Variants in SOAT1 observed in about 807,000 individuals in gnomAD.
SOAT1 encodes acyl-coenzyme A:cholesterol acyltransferase 1.
In SOAT1, 55 loss-of-function variants were observed where a neutral mutation model predicts 69.5. The ratio of observed to expected loss-of-function variants is 0.79; its 90% CI spans 0.64 to 0.99. The LOEUF is 0.99. Ranked by LOEUF, SOAT1 falls within the 50% of genes least tolerant of loss-of-function variation. SOAT1 has a pLI of 0.00. For missense variants in SOAT1, 580 were observed against 669.3 expected, an observed-to-expected ratio of 0.87 and a Z score of 1.47; for synonymous variants, 231 against 224.7, an observed-to-expected ratio of 1.03 and a Z score of -0.25.
intron 2 of SOAT1, among the ~76,000 whole-genome samples, chr1:179,315,217 T>C (rs1419657552): frequency 1.3e-5 from 2 of 152,134 alleles, no homozygotes; most frequent in African/African-American, 2.4e-5. Flanking sequence ...GGCCAAGGCA[T>C]GAGGATTGCT....
In SOAT1 at chr1:179,356,465, CTTTTTTTTT is replaced by C. The variant is rs1275194965; in HGVS notation, c.*2841_*2849del. The C allele has an allele frequency of 1.7e-5, 1 of 60,442 alleles. No homozygotes were observed. Among genetic ancestry groups the C allele is most frequent in the African/African-American group, 7.5e-5 (1 of 13,264 alleles). The allele number at this position is 60,442 out of a possible 1,614,324, so 3.7% of individuals were successfully genotyped here. A position where few individuals can be genotyped will look rare whatever the true frequency, so the allele number is the denominator to read the frequency against. On this transcript the variant is annotated 3_prime_UTR_variant, in exon 16 of 16. Transcript: ENST00000367619. ...AATTTAATTAGAAAACTGAGGCTGC[CTTTTTTTTT>C]TTTTTTTTTTTTTTTTAAGACAGAG... is the stretch of plus-strand genomic sequence containing the variant.
At chr1:179,300,006 C>T (rs1397899157) in intron 1 of SOAT1, among the ~76,000 whole-genome samples, 3 of 151,474 alleles carry the variant, frequency 2.0e-5, no homozygotes, top group Non-Finnish European at 4.4e-5. Context: ...CATGATCTGC[C>T]CACCTCAGCC....
At chr1:179,302,175 C>A (rs1200063359) in intron 1 of SOAT1, among the ~76,000 whole-genome samples, 1 of 151,858 alleles carries the variant, frequency 6.6e-6, no homozygotes, top group Non-Finnish European at 1.5e-5. Context: ...TATCTTGTAC[C>A]CAGAAAATGC....
intron 2 of SOAT1, among the ~76,000 whole-genome samples, chr1:179,317,335 C>T (rs1665429422): frequency 6.6e-6 from 1 of 152,040 alleles, no homozygotes; most frequent in Non-Finnish European, 1.5e-5. Flanking sequence ...AGATCGAGAC[C>T]ATCCTGGCTA....
Position 179,350,431 on chromosome 1 carries a change from A to C in SOAT1, c.1450A>C (p.Met484Leu), listed in dbSNP as rs770202251. 22 of 1,613,480 alleles carry C rather than the reference A, an allele frequency of 1.4e-5. No homozygotes were observed. In the East Asian group the frequency reaches 4.9e-4, roughly 36 times the overall value. The change falls in exon 14 of 16, where the codon ATG becomes CTG. Residue 484 changes from methionine (M) to leucine (L), a missense_variant and splice_region_variant. Physicochemically the swap from Met to Leu is conservative, Grantham distance 15. Coordinates refer to ENST00000367619, the MANE Select transcript of SOAT1 (RefSeq NM_003101.6). ...CTTCGTGCTCTTCATGTTCTTTGGA[A>C]GTAAGTATCTTGGTATGCTGTGAGT... ...VLFVLFMFFG[M>L]AFNFIVNDSR...
At chr1:179,306,423 T>C (rs1236769946) in intron 2 of SOAT1, among the ~76,000 whole-genome samples, 1 of 152,134 alleles carries the variant, frequency 6.6e-6, no homozygotes, top group Non-Finnish European at 1.5e-5. Flanking sequence ...CATTTGGTGA[T>C]TGGGCAGTAT....
chr1:179,334,757 T>C (rs1343410486), intron 3 of SOAT1, among the ~76,000 whole-genome samples: 1 of 152,090 alleles, frequency 6.6e-6, no homozygotes, highest in Non-Finnish European at 1.5e-5. Flanking sequence ...GGCTTGTGCC[T>C]GTAATCCCAG....
intron 2 of SOAT1, among the ~76,000 whole-genome samples, chr1:179,303,862 C>T (rs921869611): frequency 6.6e-6 from 1 of 152,200 alleles, no homozygotes. Flanking sequence ...TGCATTCTCA[C>T]GCATTAGAAA....
At chr1:179,317,482 G>A (rs946243595) in intron 2 of SOAT1, among the ~76,000 whole-genome samples, 3 of 146,604 alleles carry the variant, frequency 2.0e-5, no homozygotes, top group East Asian at 4.1e-4. Context: ...GCAGTGAGCC[G>A]AGATCGCGCC....
chr1:179,332,928 C>A (rs1666019159), intron 3 of SOAT1, among the ~76,000 whole-genome samples: 1 of 142,116 alleles, frequency 7.0e-6, no homozygotes, highest in African/African-American at 2.4e-5. Flanking sequence ...TAAGCGTCCA[C>A]AGAGCAGAGT....
intron 4 of SOAT1, 70 bp from the exon 5 acceptor site, chr1:179,337,765 CTT>C (rs1666207152): frequency 8.9e-7 from 1 of 1,122,612 alleles, no homozygotes; most frequent in Non-Finnish European, 1.3e-6. Flanking sequence ...GGTATATTCT[CTT>C]GTCTGTGGGA....
chr1:179,346,455 G>A (rs956711968), intron 11 of SOAT1, among the ~76,000 whole-genome samples: 2 of 152,130 alleles, frequency 1.3e-5, no homozygotes, highest in Non-Finnish European at 2.9e-5. Flanking sequence ...TTAATATTGG[G>A]TATTGAAAAA....
At chr1:179,351,523 G>A (rs1363067108) in intron 15 of SOAT1, 61 bp downstream of exon 15, 1 of 1,545,802 alleles carries the variant, frequency 6.5e-7, no homozygotes, top group Non-Finnish European at 8.8e-7. Flanking sequence ...TGTGAGAGTT[G>A]GTGGGCAATG....
At chr1:179,351,200 C>A (rs1023717428) in intron 14 of SOAT1, 117 bp from the exon 15 acceptor site, 1 of 812,588 alleles carries the variant, frequency 1.2e-6, no homozygotes, top group Admixed American at 2.2e-5. Context: ...CACACCACCA[C>A]GCCTGGCTAA....
intron 10 of SOAT1, among the ~76,000 whole-genome samples, chr1:179,344,379 T>G (rs1486635158): frequency 2.5e-5 from 1 of 39,284 alleles, no homozygotes; most frequent in Non-Finnish European, 6.2e-5. Context: ...TTTTTTTTTT[T>G]TTTTTTTTTT....
At chr1:179,324,181 T>A (rs1665702240) in intron 3 of SOAT1, among the ~76,000 whole-genome samples, 1 of 152,366 alleles carries the variant, frequency 6.6e-6, no homozygotes. Flanking sequence ...TATGTACATA[T>A]GCATTTATAG....
intron 3 of SOAT1, among the ~76,000 whole-genome samples, chr1:179,332,923 G>A (rs1385081878): frequency 2.8e-5 from 4 of 142,806 alleles, no homozygotes; most frequent in East Asian, 2.3e-4. Flanking sequence ...AAATGTAAGC[G>A]TCCACAGAGC....
intron 2 of SOAT1, among the ~76,000 whole-genome samples, chr1:179,308,583 A>T (rs1406960759): frequency 1.3e-5 from 2 of 151,766 alleles, no homozygotes. Context: ...GAGGCAGTAG[A>T]ATCGCTTGAA....
chr1:179,298,002 C>CA (rs59670155), intron 1 of SOAT1, among the ~76,000 whole-genome samples: 108,507 of 142,956 alleles, frequency 0.76, 41,383 homozygotes, highest in African/African-American at 0.88. Context: ...AACTCTGTCT[C>CA]AAAAAAAAAA....
Sources: allele counts gnomAD v4.1 joint callset (sites outside exome capture counted in the v4.1 genomes callset), GRCh38; gene constraint gnomAD v4.1.1; transcripts MANE v1.5; gene names NCBI Gene and HGNC (gene_info 2026-07-23, HGNC 2026-07-21).